Variants in XKR5 observed in about 807,000 individuals in gnomAD.
The protein encoded by XKR5 is XK related 5.
Under a neutral mutation model 40.8 loss-of-function variants are expected in XKR5, and 46 were observed. The observed-to-expected ratio is 1.13, with a 90% CI of 0.89 to 1.44. The LOEUF (loss-of-function observed/expected upper bound fraction) is 1.44. XKR5 is among the 40% of genes most tolerant of loss of function. XKR5 has a pLI of 0.00. For missense variants in XKR5, 1,169 were observed against 844.7 expected, an observed-to-expected ratio of 1.38 and a Z score of -4.76; for synonymous variants, 466 against 356.1, an observed-to-expected ratio of 1.31 and a Z score of -3.48.
At chr8:6,815,041 T>C (rs1803895347) in intron 6 of XKR5, among the ~76,000 whole-genome samples, 1 of 152,218 alleles carries the variant, frequency 6.6e-6, no homozygotes, top group South Asian at 2.1e-4. Context: ...GGGGAATCTC[T>C]GTCCTGGCCC....
At chr8:6,826,844 A>G (rs889358959) in intron 2 of XKR5, among the ~76,000 whole-genome samples, 2 of 152,068 alleles carry the variant, frequency 1.3e-5, no homozygotes, top group Non-Finnish European at 2.9e-5. Flanking sequence ...CAGCGGAGAG[A>G]GCTGCTGATC....
At position 6,823,664 on chromosome 8, in the gene XKR5, C is replaced by T; in HGVS notation, c.494G>A (p.Gly165Asp). ...WALVSYTRFMGFMKPGHLAMP... is the reference protein window; with the variant it reads ...WALVSYTRFMDFMKPGHLAMP... ...GGCCAGGTGGCCTGGCTTCATGAAGCCCATGAAGCGAGTGTAGGACACCAG... is the reference window on the plus strand; with the variant it reads ...GGCCAGGTGGCCTGGCTTCATGAAGTCCATGAAGCGAGTGTAGGACACCAG... The change falls in exon 4 of 7, where the codon GGC (glycine) becomes GAC (aspartate). Residue 165 changes from glycine (G) to aspartate (D), a missense_variant. Transcript: ENST00000618742. 1 of 1,591,834 alleles carries T rather than the reference C, an allele frequency of 6.3e-7. No homozygotes were observed. Among genetic ancestry groups the T allele is most frequent in the South Asian group, 1.1e-5 (1 of 87,218 alleles).
rs368387744 is a variant in XKR5 at position 6,811,896 on chromosome 8, G to A, written c.1363C>T (p.Leu455Phe). Residue 455 changes from leucine to phenylalanine, a missense_variant, in exon 7 of 7, where the codon CTC becomes TTC. Physicochemically the swap from Leu to Phe is conservative, Grantham distance 22. Transcript: ENST00000618742. ...QRKALSAQQE[L>F]PSSSRDPSTL... ...GAGGGGTCACGGGATGAGGATGGGA[G>A]CTCTTGCTGGGCAGACAAGGCCTTT... is the stretch of plus-strand genomic sequence containing the variant. 1 of 1,537,338 alleles carries A rather than the reference G, an allele frequency of 6.5e-7. No individual in the cohort carries two copies. The highest frequency in any genetic ancestry group is 1.4e-5 in the African/African-American group (1 of 73,056).
At chr8:6,833,200 C>A (rs1195041680) in intron 1 of XKR5, among the ~76,000 whole-genome samples, 1 of 152,206 alleles carries the variant, frequency 6.6e-6, no homozygotes, top group Admixed American at 6.5e-5. Flanking sequence ...GGGCCCAGTG[C>A]CAGGAAACTA....
Position 6,825,262 on chromosome 8 carries a change from C to A in XKR5, c.330G>T (p.Ser110=). 1 of 1,611,434 alleles carries A rather than the reference C, an allele frequency of 6.2e-7. No individual in the cohort carries two copies. Among genetic ancestry groups the A allele is most frequent in the Non-Finnish European group, 8.5e-7 (1 of 1,179,054 alleles). ...GCAGGGCCTCCAAGAGTCGAAGGGC[C>A]GACAGGTCGGCCTCCTGCAGCTGCA... ...GWLQLQEADL[S]ALRLLEALLQ... is the part of the protein sequence containing the mutation. Residue 110 remains serine (S), a synonymous_variant, in exon 3 of 7, where the codon TCG becomes TCT. Transcript: ENST00000618742.
chr8:6,832,014 CA>C (rs34490284), intron 2 of XKR5, among the ~76,000 whole-genome samples: 53 of 45,206 alleles, frequency 1.2e-3, no homozygotes, highest in African/African-American at 2.1e-3. Flanking sequence ...GACTCCATCT[CA>C]AAAAAAAAAA....
rs559912928 is a variant in XKR5, at chr8:6,812,771, A to G, written c.920-432T>C. Among the ~76,000 whole-genome samples, 101 of 152,330 alleles carry G rather than the reference A, an allele frequency of 6.6e-4. 2 individuals are homozygous for G. In the South Asian group the frequency reaches 0.02, roughly 29 times the overall value. The stretch of plus-strand genomic sequence containing the variant: ...TCAATACAGTGGTTGATGGGTTACA[A>G]AGCTGGGGGAAGGGAGGGCATTAAG... On this transcript the variant is annotated intron_variant, in intron 6 of 6. Coordinates refer to ENST00000618742, the MANE Select transcript of XKR5 (RefSeq NM_207411.5).
chr8:6,833,973 G>C (rs919277820), intron 1 of XKR5, among the ~76,000 whole-genome samples: 1 of 152,144 alleles, frequency 6.6e-6, no homozygotes, highest in Non-Finnish European at 1.5e-5. Flanking sequence ...TTACGCAGTG[G>C]AGAGAGAATG....
At position 6,823,535 on chromosome 8, in the gene XKR5, AC is replaced by A; in HGVS notation, c.622del (p.Val208PhefsTer11). 1 of 1,588,986 alleles carries A rather than the reference AC, an allele frequency of 6.3e-7. No homozygotes were observed. Among genetic ancestry groups the A allele is most frequent in the Admixed American group, 1.8e-5 (1 of 55,974 alleles). On this transcript the variant is annotated frameshift_variant, in exon 4 of 7. Transcript: ENST00000618742. LOFTEE classifies it high-confidence loss of function. ...GCTCAGCTCACCTGCAACCACAAAA[AC>A]CCAAAAGTGGTAGGCTTTGTAGAAC... ...VLFYKAYHFW[V>X]FVVAGAHWLV... is the part of the protein sequence containing the mutation.
chr8:6,825,948 C>T (rs549269528), intron 2 of XKR5, among the ~76,000 whole-genome samples: 11 of 152,108 alleles, frequency 7.2e-5, no homozygotes, highest in Non-Finnish European at 1.3e-4. Context: ...GATGTGGTCC[C>T]GGTGAAGTAG....
rs200895269 is a variant in XKR5, at chr8:6,820,519, C to CTT, written c.807+1349_807+1350insAA. ...CTTATTGAGCTCCTGCTTATCTGGGCATTGGCAGGCGGGGTGTCCACCTAT... is the reference window on the plus strand; with the variant it reads ...CTTATTGAGCTCCTGCTTATCTGGGCTTATTGGCAGGCGGGGTGTCCACCTAT... On this transcript the variant is annotated intron_variant, in intron 5 of 6. Transcript: ENST00000618742. 7.9e-3 allele frequency among the ~76,000 whole-genome samples: 1,203 copies of CTT among 152,312 alleles called. 4 individuals are homozygous for CTT. Among genetic ancestry groups the CTT allele is most frequent in the Middle Eastern group, 0.034 (10 of 294 alleles).
chr8:6,815,021 G>A (rs1291005679), intron 6 of XKR5, among the ~76,000 whole-genome samples: 1 of 152,234 alleles, frequency 6.6e-6, no homozygotes, highest in Non-Finnish European at 1.5e-5. Context: ...AGGAGTTGTT[G>A]CAGAGGACTG....
intron 1 of XKR5, 136 bp from the exon 2 acceptor site, chr8:6,833,036 C>G: frequency 1.3e-6 from 1 of 797,580 alleles, no homozygotes; most frequent in East Asian, 3.2e-5. Context: ...TGGGGAGTGA[C>G]TGTCCCTCCC....
chr8:6,830,451 GT>G (rs1205864317), intron 2 of XKR5, among the ~76,000 whole-genome samples: 1 of 152,140 alleles, frequency 6.6e-6, no homozygotes, highest in East Asian at 1.9e-4. Flanking sequence ...GTAAATTTCT[GT>G]TTTTTGGTTC....
intron 2 of XKR5, among the ~76,000 whole-genome samples, chr8:6,828,388 GTGCT>G (rs1804616568): frequency 6.6e-6 from 1 of 152,198 alleles, no homozygotes; most frequent in Non-Finnish European, 1.5e-5. Context: ...CGAATATCTG[GTGCT>G]TGGTAAGGCG....
chr8:6,828,102 A>G (rs1804600677), intron 2 of XKR5, among the ~76,000 whole-genome samples: 1 of 152,200 alleles, frequency 6.6e-6, no homozygotes, highest in Non-Finnish European at 1.5e-5. Flanking sequence ...GTGAAATGAA[A>G]GATGTCTTTT....
intron 2 of XKR5, among the ~76,000 whole-genome samples, chr8:6,831,905 C>G (rs1293636853): frequency 6.6e-6 from 1 of 151,098 alleles, no homozygotes; most frequent in Admixed American, 6.6e-5. Context: ...GTCCCGCCTA[C>G]TCAACAGGCT....
chr8:6,835,193 A>AC (rs1804959327), intron 1 of XKR5, among the ~76,000 whole-genome samples: 1 of 40,818 alleles, frequency 2.4e-5, no homozygotes, highest in Non-Finnish European at 5.6e-5. Context: ...GAGGGGGGGG[A>AC]ACCGAGCATG....
intron 5 of XKR5, among the ~76,000 whole-genome samples, chr8:6,819,751 C>T (rs1216730119): frequency 6.6e-6 from 1 of 152,122 alleles, no homozygotes; most frequent in Non-Finnish European, 1.5e-5. Context: ...ATAGGTTATC[C>T]TCGGAGTTAT....
Sources: allele counts gnomAD v4.1 joint callset (sites outside exome capture counted in the v4.1 genomes callset), GRCh38; gene constraint gnomAD v4.1.1; transcripts MANE v1.5; gene names NCBI Gene and HGNC (gene_info 2026-07-23, HGNC 2026-07-21).